The following DNAH7 variants were observed in gnomAD, a reference collection of about 807,000 sequenced individuals.
The protein encoded by DNAH7 is dynein axonemal heavy chain 7, also known as axonemal beta dynein heavy chain 7.
A neutral mutation model predicts 444.6 loss-of-function variants in DNAH7; 397 were observed. That is an observed-to-expected ratio of 0.89 (90% CI 0.82 to 0.97). DNAH7 has a LOEUF of 0.97. Among genes scored for constraint, DNAH7 ranks in the 50% least tolerant of loss-of-function variants. The probability of loss-of-function intolerance (pLI) is 0.00; values close to 1 mark genes in which losing one functional copy is unlikely to be tolerated. For missense variants in DNAH7, 4,902 were observed against 4,800.8 expected (o/e 1.02, Z -0.62); for synonymous variants, 1,636 against 1,624.4 (o/e 1.01, Z -0.17).
At chr2:195,782,895 G>C (rs1356868106) in intron 58 of DNAH7, among the ~76,000 whole-genome samples, 1 of 151,888 alleles carries the variant, frequency 6.6e-6, no homozygotes, top group African/African-American at 2.4e-5. Context: ...ACAGCACAAG[G>C]CCCCCCCTTT....
In DNAH7 at chr2:195,930,585, A is replaced by AG. The variant is rs138010931; in HGVS notation, c.3471+4005dup. 8.3e-4 allele frequency among the ~76,000 whole-genome samples: 126 copies of AG among 152,350 alleles called. No homozygotes were observed. In the East Asian group the frequency reaches 0.021, roughly 25 times the overall value. The stretch of plus-strand genomic sequence containing the variant: ...CTTATACACTATTGGTGGGATTGTA[A>AG]GTTAGTTCAGCTGCTGTGGAAAGCA... On this transcript the variant is annotated intron_variant, in intron 21 of 64. Coordinates refer to ENST00000312428, the MANE Select transcript of DNAH7 (RefSeq NM_018897.3).
intron 52 of DNAH7, 37 bp from the exon 53 acceptor site, chr2:195,808,913 A>G: frequency 6.4e-7 from 1 of 1,573,314 alleles, no homozygotes; most frequent in Non-Finnish European, 8.7e-7. Context: ...GTCAGAAACG[A>G]GTTCATCATA....
chr2:195,851,041 T>C (rs1699330931), intron 46 of DNAH7, among the ~76,000 whole-genome samples: 1 of 152,128 alleles, frequency 6.6e-6, no homozygotes, highest in African/African-American at 2.4e-5. Context: ...AAGTGGGTTC[T>C]AGGAACCCAA....
At chr2:195,738,323 G>A (rs777768180) in intron 64 of DNAH7, among the ~76,000 whole-genome samples, 196 bp from the exon 65 acceptor site, 3 of 151,832 alleles carry the variant, frequency 2.0e-5, no homozygotes, top group Non-Finnish European at 2.9e-5. Context: ...AATAGTTTTC[G>A]CCTTCTCTTT....
intron 12 of DNAH7, 38 bp downstream of exon 12, chr2:196,000,666 A>G (rs781524113): frequency 2.0e-5 from 28 of 1,420,110 alleles, no homozygotes; most frequent in Non-Finnish European, 2.6e-5. Flanking sequence ...GAATGTCATT[A>G]TGCAAATTCA....
intron 19 of DNAH7, among the ~76,000 whole-genome samples, chr2:195,940,784 C>A (rs909396476): frequency 5.3e-5 from 8 of 152,146 alleles, no homozygotes; most frequent in African/African-American, 1.9e-4. Flanking sequence ...CTCATCATCA[C>A]TTGTTATTAG....
intron 48 of DNAH7, among the ~76,000 whole-genome samples, chr2:195,831,387 G>A (rs553539549): frequency 1.6e-4 from 25 of 152,314 alleles, no homozygotes; most frequent in African/African-American, 5.8e-4. Context: ...GGCAGCTGAC[G>A]CAGGCAAAAA....
At position 195,738,129 on chromosome 2, in the gene DNAH7, T is replaced by G. The variant is rs547987923; in HGVS notation, c.11869-2A>C. 1.9e-5 allele frequency: 30 copies of G among 1,613,286 alleles called. 1 individual carries two copies. In the South Asian group the frequency reaches 3.1e-4, roughly 17 times the overall value. ...CCTCTTACAGGGCTTTAGCCACATC[T>G]GGAAGAAAGTACATAACACCTCTTT... On this transcript the variant is annotated splice_acceptor_variant, in intron 64 of 64. Transcript: ENST00000312428. LOFTEE classifies it high-confidence loss of function.
chr2:195,786,372 C>A lies in DNAH7; in HGVS notation c.10878+638G>T, dbSNP rs145630664. On this transcript the variant is annotated intron_variant, in intron 58 of 64. Coordinates refer to ENST00000312428, the MANE Select transcript of DNAH7 (RefSeq NM_018897.3). ...TTTATAGGACATTTGGGTTTATTTA[C>A]CAAGTGCTTCTTCAAAGGTACAGGC... Among the ~76,000 whole-genome samples, 875 of 152,234 alleles carry A rather than the reference C, an allele frequency of 5.7e-3. 7 individuals are homozygous for A. The highest frequency in any genetic ancestry group is 0.02 in the African/African-American group (842 of 41,534).
intron 3 of DNAH7, 68 bp from the exon 4 acceptor site, chr2:196,048,472 C>T (rs966429866): frequency 4.7e-5 from 61 of 1,303,634 alleles, no homozygotes; most frequent in East Asian, 1.4e-4. Context: ...ATGAAATGCA[C>T]GAGTGTTTAT....
chr2:195,927,945 A>C (rs1688450355), intron 21 of DNAH7, among the ~76,000 whole-genome samples: 1 of 151,898 alleles, frequency 6.6e-6, no homozygotes, highest in Non-Finnish European at 1.5e-5. Context: ...TTTAAACTTT[A>C]TTTTTTGTAT....
chr2:196,028,736 G>A (rs772185804), intron 5 of DNAH7, among the ~76,000 whole-genome samples: 1 of 152,132 alleles, frequency 6.6e-6, no homozygotes, highest in African/African-American at 2.4e-5. Context: ...ATAATTGACT[G>A]TATCATTCTC....
chr2:195,884,735 CTTA>C lies in DNAH7; in HGVS notation c.5610_5612del (p.Asn1870del). 6.2e-7 allele frequency: 1 copy of C among 1,614,132 alleles called. No individual in the cohort carries two copies. The highest frequency in any genetic ancestry group is 8.5e-7 in the Non-Finnish European group (1 of 1,180,024). On this transcript the variant is annotated inframe_deletion, in exon 35 of 65. Coordinates refer to ENST00000312428, the MANE Select transcript of DNAH7 (RefSeq NM_018897.3). ...GACTTTCCATTAGTTCTCGAAGAATCTTATTAAATTTCAATCGATCATCATCTG... is the reference window on the plus strand; with the variant it reads ...GACTTTCCATTAGTTCTCGAAGAATCTTAAATTTCAATCGATCATCATCTG...
chr2:195,776,121 T>C (rs1695046713), intron 59 of DNAH7, 138 bp from the exon 60 acceptor site: 6 of 1,129,388 alleles, frequency 5.3e-6, no homozygotes, highest in South Asian at 1.6e-5. Context: ...GTGCTTTCAC[T>C]TTCTTTCAGC....
chr2:196,015,456 T>A (rs1694960219), intron 9 of DNAH7, among the ~76,000 whole-genome samples: 2 of 152,222 alleles, frequency 1.3e-5, no homozygotes, highest in Non-Finnish European at 2.9e-5. Flanking sequence ...CTCAGACATC[T>A]GCTTTTACAT....
chr2:195,844,085 G>A (rs1332298264), intron 47 of DNAH7, among the ~76,000 whole-genome samples: 1 of 143,676 alleles, frequency 7.0e-6, no homozygotes, highest in Non-Finnish European at 1.6e-5. Flanking sequence ...AACGGAGTGA[G>A]ACTCCGTCTC....
At position 195,975,255 on chromosome 2, in the gene DNAH7, C is replaced by T. The variant is rs138854638; in HGVS notation, c.1834-2789G>A. Among the ~76,000 whole-genome samples the T allele has an allele frequency of 1.2e-4, 18 of 150,992 alleles. No homozygotes were observed. In the East Asian group the frequency reaches 2.2e-3, roughly 18 times the overall value. On this transcript the variant is annotated intron_variant, in intron 15 of 64. Coordinates refer to ENST00000312428, the MANE Select transcript of DNAH7 (RefSeq NM_018897.3). ...GGATGCCATCCCTCCCCTGGCCCCC[C>T]GCATCAGCTGCTAGGCACTGAGAAT...
chr2:195,816,665 TAGAC>T lies in DNAH7; in HGVS notation c.9720_9723del (p.Ser3241LeufsTer45). On this transcript the variant is annotated frameshift_variant, in exon 51 of 65. Transcript: ENST00000312428. LOFTEE classifies it high-confidence loss of function. ...ATTTCTGATTTCTCTGAATTTTCAA[TAGAC>T]AGGATGAAAAGGTTAATAAACCAGG... The T allele has an allele frequency of 1.2e-6, 2 of 1,613,310 alleles. No individual in the cohort carries two copies. The highest frequency in any genetic ancestry group is 1.7e-6 in the Non-Finnish European group (2 of 1,179,764).
chr2:195,817,602 T>C (rs1697285006), intron 50 of DNAH7, 94 bp downstream of exon 50: 2 of 1,315,464 alleles, frequency 1.5e-6, no homozygotes, highest in Non-Finnish European at 2.0e-6. Context: ...AGTATTCCTA[T>C]TAAATCTAAC....
Sources: gnomAD v4.1 joint callset for allele counts (sites outside exome capture counted in the v4.1 genomes callset) on GRCh38, gnomAD v4.1.1 for gene constraint, MANE v1.5 for transcripts, NCBI Gene and HGNC (gene_info 2026-07-23, HGNC 2026-07-21) for gene names.